The following PHLDB2 variants were observed in gnomAD, a reference collection of about 807,000 sequenced individuals.
The protein encoded by PHLDB2 is pleckstrin homology like domain family B member 2, also known as pleckstrin homology-like domain family B member 2.
Under a neutral mutation model 123.6 loss-of-function variants are expected in PHLDB2, and 71 were observed. The ratio of observed to expected loss-of-function variants is 0.57; its 90% CI spans 0.47 to 0.70. The LOEUF (loss-of-function observed/expected upper bound fraction) is 0.70. Among genes scored for constraint, PHLDB2 ranks in the 30% least tolerant of loss-of-function variants. PHLDB2 has a pLI of 0.00. For synonymous variants in PHLDB2, 547 were observed against 541.6 expected (o/e 1.01, Z -0.14); for missense variants, 1,446 against 1,519.5 (o/e 0.95, Z 0.80).
chr3:111,876,705 T>G (rs538395798), intron 1 of PHLDB2, among the ~76,000 whole-genome samples: 3 of 152,156 alleles, frequency 2.0e-5, no homozygotes, highest in Non-Finnish European at 4.4e-5. Flanking sequence ...TTTCTCCTAA[T>G]GCTATCCCGC....
At chr3:111,889,723 A>T (rs1416110741) in intron 2 of PHLDB2, among the ~76,000 whole-genome samples, 1 of 152,212 alleles carries the variant, frequency 6.6e-6, no homozygotes, top group Non-Finnish European at 1.5e-5. Context: ...CATTTAAAGC[A>T]TTGGAATTTC....
chr3:111,818,133 G>A (rs2062184690), intron 1 of PHLDB2, among the ~76,000 whole-genome samples: 1 of 151,506 alleles, frequency 6.6e-6, no homozygotes, highest in South Asian at 2.1e-4. Context: ...TGAGAAGCCA[G>A]TCTTGCTTAA....
chr3:111,760,252 G>T (rs901101354), intron 1 of PHLDB2, among the ~76,000 whole-genome samples: 1 of 152,194 alleles, frequency 6.6e-6, no homozygotes, highest in Non-Finnish European at 1.5e-5. Context: ...CACAAACATT[G>T]TCCATCAGCA....
At chr3:111,921,714 T>C (rs1464355246) in intron 5 of PHLDB2, among the ~76,000 whole-genome samples, 1 of 150,854 alleles carries the variant, frequency 6.6e-6, no homozygotes, top group African/African-American at 2.4e-5. Flanking sequence ...GCCATTCTCC[T>C]GCCTCAGCCT....
intron 2 of PHLDB2, among the ~76,000 whole-genome samples, chr3:111,888,782 G>T (rs1043208517): frequency 6.6e-6 from 1 of 152,070 alleles, no homozygotes; most frequent in African/African-American, 2.4e-5. Context: ...ATGAATAATT[G>T]CATCAAAATC....
chr3:111,797,895 G>A (rs2061228436), intron 1 of PHLDB2, among the ~76,000 whole-genome samples: 1 of 152,222 alleles, frequency 6.6e-6, no homozygotes. Flanking sequence ...CCTGTGGGAA[G>A]CCACTGTGGA....
intron 1 of PHLDB2, among the ~76,000 whole-genome samples, chr3:111,769,856 T>G (rs4682307): frequency 0.87 from 133,209 of 152,266 alleles, 58,993 homozygotes; most frequent in East Asian, 1. Context: ...AACACATATG[T>G]TTAAGACAGA....
chr3:111,899,782 G>T (rs140879941), intron 2 of PHLDB2, among the ~76,000 whole-genome samples: 1 of 152,102 alleles, frequency 6.6e-6, no homozygotes, highest in Non-Finnish European at 1.5e-5. Context: ...TTTTGTCTAC[G>T]TTGTTTGTTT....
At chr3:111,837,785 G>A (rs1163797523) in intron 1 of PHLDB2, among the ~76,000 whole-genome samples, 2 of 152,156 alleles carry the variant, frequency 1.3e-5, no homozygotes, top group Non-Finnish European at 2.9e-5. Context: ...GTTCACACCT[G>A]TAATTTCAGG....
At chr3:111,821,346 A>G (rs2062370335) in intron 1 of PHLDB2, among the ~76,000 whole-genome samples, 1 of 152,198 alleles carries the variant, frequency 6.6e-6, no homozygotes, top group Admixed American at 6.5e-5. Context: ...AAACACAACC[A>G]ATGGATGAGA....
chr3:111,965,447 C>T (rs916809171), intron 13 of PHLDB2, among the ~76,000 whole-genome samples: 8 of 152,256 alleles, frequency 5.3e-5, no homozygotes, highest in African/African-American at 1.9e-4. Flanking sequence ...TTTAAACCAT[C>T]CTAGGTTTGA....
At chr3:111,889,406 A>G (rs1228408690) in intron 2 of PHLDB2, among the ~76,000 whole-genome samples, 1 of 151,468 alleles carries the variant, frequency 6.6e-6, no homozygotes, top group Non-Finnish European at 1.5e-5. Flanking sequence ...TTTTTTTTTA[A>G]GAGAGCACAG....
chr3:111,959,086 C>T (rs140880916), intron 12 of PHLDB2, among the ~76,000 whole-genome samples: 173 of 152,354 alleles, frequency 1.1e-3, no homozygotes, highest in African/African-American at 3.9e-3. Flanking sequence ...ACCAGCATCT[C>T]TCCTTGGGCC....
Position 111,859,483 on chromosome 3 carries a change from G to A in PHLDB2, c.-108G>A. On this transcript the variant is annotated 5_prime_UTR_variant, in exon 1 of 18. Coordinates refer to ENST00000431670, the MANE Select transcript of PHLDB2 (RefSeq NM_001134438.2). ...CGCGCGGAGCCCACCATTGCGGCCC[G>A]AGGGGGACCCGACGGGGGCCCGACG... 1.0e-6 allele frequency: 1 copy of A among 985,618 alleles called. No homozygotes were observed. The highest frequency in any genetic ancestry group is 1.2e-6 in the Non-Finnish European group (1 of 830,054). The allele number at this position is 985,618 out of a possible 1,614,324, so 61.1% of individuals were successfully genotyped here.
At chr3:111,784,799 T>G (rs1355216635) in intron 1 of PHLDB2, among the ~76,000 whole-genome samples, 1 of 152,160 alleles carries the variant, frequency 6.6e-6, no homozygotes, top group Non-Finnish European at 1.5e-5. Context: ...TAAGTATATT[T>G]CTAAATCAGT....
chr3:111,879,985 CTTTTTTT>C (rs33958199), intron 1 of PHLDB2, among the ~76,000 whole-genome samples: 31 of 108,258 alleles, frequency 2.9e-4, no homozygotes, highest in Admixed American at 2.5e-3. Context: ...TACCCACTGC[CTTTTTTT>C]TTTTTTTTTT....
chr3:111,735,424 A>G (rs982657481), intron 1 of PHLDB2, among the ~76,000 whole-genome samples: 18 of 152,332 alleles, frequency 1.2e-4, no homozygotes, highest in African/African-American at 3.8e-4. Context: ...AGATTCCATT[A>G]GCTGTCTGTC....
At chr3:111,754,193 A>G (rs2059838817) in intron 1 of PHLDB2, among the ~76,000 whole-genome samples, 2 of 150,512 alleles carry the variant, frequency 1.3e-5, no homozygotes, top group Non-Finnish European at 2.9e-5. Context: ...GAAGAAAGTC[A>G]TTGGTAGCTT....
chr3:111,946,592 G>A (rs551604969), intron 9 of PHLDB2, among the ~76,000 whole-genome samples: 31 of 152,206 alleles, frequency 2.0e-4, no homozygotes, highest in Admixed American at 1.1e-3. Context: ...TTCATTATTC[G>A]GAACGTGGAA....
Sources: allele counts gnomAD v4.1 joint callset (sites outside exome capture counted in the v4.1 genomes callset), GRCh38; gene constraint gnomAD v4.1.1; transcripts MANE v1.5; gene names NCBI Gene and HGNC (gene_info 2026-07-23, HGNC 2026-07-21).